FRMD5: variants seen among roughly 807,000 people sequenced by gnomAD.
FRMD5 encodes FERM domain-containing protein 5.
Under a neutral mutation model 69.0 loss-of-function variants are expected in FRMD5, and 20 were observed. That is an observed-to-expected ratio of 0.29 (90% CI 0.20 to 0.42). The LOEUF (loss-of-function observed/expected upper bound fraction) is 0.42, where lower values mean the gene tolerates loss of function less well. Among genes scored for constraint, FRMD5 ranks in the 10% least tolerant of loss-of-function variants. The pLI, the probability that FRMD5 is intolerant of heterozygous loss-of-function variation, is 1.00. For synonymous variants in FRMD5, 271 were observed against 260.1 expected, an observed-to-expected ratio of 1.04 and a Z score of -0.40; for missense variants, 595 against 708.6, an observed-to-expected ratio of 0.84 and a Z score of 1.82.
chr15:44,065,650 T>C (rs901782534), intron 1 of FRMD5, among the ~76,000 whole-genome samples: 1 of 152,158 alleles, frequency 6.6e-6, no homozygotes, highest in African/African-American at 2.4e-5. Context: ...GATATTGATT[T>C]CATGACCCAC....
chr15:44,117,979 C>G (rs947268752), intron 1 of FRMD5, among the ~76,000 whole-genome samples: 1 of 99,852 alleles, frequency 1.0e-5, no homozygotes, highest in Non-Finnish European at 2.0e-5. Flanking sequence ...GATTCCATTT[C>G]TTTCTTTTTT....
intron 1 of FRMD5, among the ~76,000 whole-genome samples, chr15:44,190,710 T>C (rs947511610): frequency 1.3e-5 from 2 of 152,230 alleles, no homozygotes; most frequent in African/African-American, 4.8e-5. Flanking sequence ...GGATTAAAAC[T>C]ATAAAGAGTT....
At chr15:44,048,275 T>C (rs1892513826) in intron 1 of FRMD5, among the ~76,000 whole-genome samples, 1 of 152,204 alleles carries the variant, frequency 6.6e-6, no homozygotes, top group Non-Finnish European at 1.5e-5. Context: ...TGAGGTGGTA[T>C]CTCACTGTCG....
intron 1 of FRMD5, among the ~76,000 whole-genome samples, chr15:44,173,976 C>T (rs573448723): frequency 4.6e-5 from 7 of 151,970 alleles, no homozygotes; most frequent in African/African-American, 1.4e-4. Flanking sequence ...AGGCTGATCA[C>T]AGAAGTTAGG....
chr15:44,046,478 T>A (rs1021773358), intron 1 of FRMD5, among the ~76,000 whole-genome samples: 2 of 152,220 alleles, frequency 1.3e-5, no homozygotes, highest in Non-Finnish European at 2.9e-5. Flanking sequence ...GTCTTCAAGG[T>A]TTATTCAATG....
intron 1 of FRMD5, among the ~76,000 whole-genome samples, chr15:44,053,137 T>TA (rs1480704834): frequency 2.0e-5 from 3 of 152,072 alleles, no homozygotes; most frequent in African/African-American, 7.2e-5. Context: ...GTAACTAACT[T>TA]AGAGCATGAA....
At position 43,932,497 on chromosome 15, in the gene FRMD5, C is replaced by T. The variant is rs571196021; in HGVS notation, c.103-8188G>A. 2.0e-5 allele frequency among the ~76,000 whole-genome samples: 3 copies of T among 152,242 alleles called. No individual in the cohort carries two copies. The East Asian group carries it at 5.8e-4, about 29-fold the overall frequency. ...CAGTGCCACAGAGACAAAGGCAGAGCTTCTGTGACAGGCTCCTGACATGCT... is the reference window on the plus strand; with the variant it reads ...CAGTGCCACAGAGACAAAGGCAGAGTTTCTGTGACAGGCTCCTGACATGCT... On this transcript the variant is annotated intron_variant, in intron 1 of 13. Coordinates refer to ENST00000417257, the MANE Select transcript of FRMD5 (RefSeq NM_032892.5).
chr15:44,139,769 A>C, intron 1 of FRMD5, among the ~76,000 whole-genome samples: 1 of 151,348 alleles, frequency 6.6e-6, no homozygotes, highest in Admixed American at 6.6e-5. Flanking sequence ...ACATAATGAT[A>C]AAAAAGAATA....
chr15:43,922,549 A>C (rs557936548), intron 2 of FRMD5, among the ~76,000 whole-genome samples: 52 of 151,750 alleles, frequency 3.4e-4, no homozygotes, highest in African/African-American at 1.2e-3. Context: ...ATATTCTCTT[A>C]CTCTCCTCAA....
chr15:43,886,802 G>C (rs1432946635), intron 10 of FRMD5, among the ~76,000 whole-genome samples: 1 of 152,230 alleles, frequency 6.6e-6, no homozygotes, highest in East Asian at 1.9e-4. Flanking sequence ...CTAGGGATCT[G>C]TATGTGAGAG....
Position 43,872,054 on chromosome 15 carries a change from C to T in FRMD5, c.*1831G>A, listed in dbSNP as rs2088173879. ...GTTTTATTGGAACACAGCCATGTTC[C>T]TTCATTTACAAATTATCTGTGGCTG... On this transcript the variant is annotated 3_prime_UTR_variant, in exon 14 of 14. Coordinates refer to ENST00000417257, the MANE Select transcript of FRMD5 (RefSeq NM_032892.5). 1 of 152,218 alleles carries T rather than the reference C, an allele frequency of 6.6e-6. No homozygotes were observed. Among genetic ancestry groups the T allele is most frequent in the African/African-American group, 2.4e-5 (1 of 41,464 alleles). 9.4% of individuals were successfully genotyped at this position (152,218 alleles called of 1,614,324 possible). A position where few individuals can be genotyped will look rare whatever the true frequency, so the allele number is the denominator to read the frequency against.
At chr15:43,963,607 C>T (rs868251698) in intron 1 of FRMD5, among the ~76,000 whole-genome samples, 30 of 152,154 alleles carry the variant, frequency 2.0e-4, no homozygotes, top group Non-Finnish European at 3.1e-4. Flanking sequence ...CACATGCACA[C>T]GTATGTTTAT....
At chr15:43,967,285 T>C in intron 1 of FRMD5, among the ~76,000 whole-genome samples, 1 of 151,378 alleles carries the variant, frequency 6.6e-6, no homozygotes, top group East Asian at 1.9e-4. Flanking sequence ...CAGGCTGGAG[T>C]ACAGTGGCAC....
intron 1 of FRMD5, among the ~76,000 whole-genome samples, chr15:44,103,709 T>G (rs1006381314): frequency 7.2e-5 from 11 of 152,194 alleles, no homozygotes; most frequent in African/African-American, 2.7e-4. Flanking sequence ...ACTTCCTTCT[T>G]CCCCAGTCTT....
intron 1 of FRMD5, among the ~76,000 whole-genome samples, chr15:44,171,130 A>G (rs988528687): frequency 6.6e-6 from 1 of 152,244 alleles, no homozygotes; most frequent in Non-Finnish European, 1.5e-5. Flanking sequence ...CTAAAATATT[A>G]AGTAAAAGAA....
At chr15:44,120,018 C>T (rs2140645343) in intron 1 of FRMD5, among the ~76,000 whole-genome samples, 1 of 152,060 alleles carries the variant, frequency 6.6e-6, no homozygotes, top group Non-Finnish European at 1.5e-5. Context: ...CAGCATGGTC[C>T]CAGAGATGTA....
chr15:43,978,806 C>T (rs1317370853), intron 1 of FRMD5, among the ~76,000 whole-genome samples: 1 of 152,174 alleles, frequency 6.6e-6, no homozygotes, highest in Admixed American at 6.5e-5. Context: ...CCCACCTCGG[C>T]TTCCCAAAGT....
chr15:43,903,536 G>A (rs1278715257), intron 6 of FRMD5, among the ~76,000 whole-genome samples: 2 of 152,232 alleles, frequency 1.3e-5, no homozygotes, highest in South Asian at 2.1e-4. Context: ...ACATTATGAA[G>A]ACGAGGCAGG....
At chr15:43,877,641 A>C (rs1303804115) in intron 13 of FRMD5, among the ~76,000 whole-genome samples, 1 of 152,260 alleles carries the variant, frequency 6.6e-6, no homozygotes, top group Non-Finnish European at 1.5e-5. Flanking sequence ...CACGGCTCAT[A>C]TATTTGCCAC....
Sources: allele counts gnomAD v4.1 joint callset (sites outside exome capture counted in the v4.1 genomes callset), GRCh38; gene constraint gnomAD v4.1.1; transcripts MANE v1.5; gene names NCBI Gene and HGNC (gene_info 2026-07-23, HGNC 2026-07-21).